ELF1: variants seen among roughly 807,000 people sequenced by gnomAD.
The protein encoded by ELF1 is E74 like ETS transcription factor 1.
In ELF1, 24 loss-of-function variants were observed where a neutral mutation model predicts 59.9. The ratio of observed to expected loss-of-function variants is 0.40; its 90% CI spans 0.29 to 0.56. ELF1 has a LOEUF of 0.56. ELF1 is among the 20% of genes least tolerant of loss of function. The pLI is 0.44. For missense variants in ELF1, 627 were observed against 742.2 expected, an observed-to-expected ratio of 0.84 and a Z score of 1.80; for synonymous variants, 248 against 266.2, an observed-to-expected ratio of 0.93 and a Z score of 0.67.
At chr13:41,013,712 A>G (rs2324749) in intron 1 of ELF1, among the ~76,000 whole-genome samples, 48,535 of 151,822 alleles carry the variant, frequency 0.32, 9,398 homozygotes, top group Middle Eastern at 0.46. Flanking sequence ...ACACTTTATA[A>G]TTTTATTTAA....
chr13:40,933,085 A>C lies in ELF1; in HGVS notation c.*340T>G, dbSNP rs540906731. ...ATAAATTTCCTGTTGCCTTCTATTTAAGTTCTGTATTTACAAAAGAATCAG... is the reference window on the plus strand; with the variant it reads ...ATAAATTTCCTGTTGCCTTCTATTTCAGTTCTGTATTTACAAAAGAATCAG... On this transcript the variant is annotated 3_prime_UTR_variant, in exon 9 of 9. Transcript: ENST00000239882. 5.1e-6 allele frequency: 1 copy of C among 195,658 alleles called. No homozygotes were observed. The highest frequency in any genetic ancestry group is 2.3e-5 in the African/African-American group (1 of 42,862). 12.1% of individuals were successfully genotyped at this position (195,658 alleles called of 1,614,324 possible).
chr13:40,954,449 CCCACGGTCTCCCTCTCCCTCTCTTT>C (rs1175763105), intron 3 of ELF1, among the ~76,000 whole-genome samples: 1 of 123,876 alleles, frequency 8.1e-6, no homozygotes, highest in Non-Finnish European at 1.9e-5. Flanking sequence ...TCTCCCTCTC[CCCACGGTCTCCCTCTCCCTCTCTTT>C]CCACGGTCTC....
At position 40,933,944 on chromosome 13, in the gene ELF1, T is replaced by C. The variant is rs987840910; in HGVS notation, c.1341A>G (p.Pro447=). The C allele has an allele frequency of 1.5e-5, 25 of 1,614,262 alleles. No individual in the cohort carries two copies. Among genetic ancestry groups the C allele is most frequent in the Non-Finnish European group, 1.9e-5 (23 of 1,180,048 alleles). ...QLHTVTLQTV[P]LTTVIASTDP... is the part of the protein sequence containing the mutation. ...CTGTGCTGGCTATAACTGTTGTGAG[T>C]GGCACTGTTTGGAGTGTTACTGTAT... The change falls in exon 9 of 9, where the codon CCA becomes CCG. Residue 447 remains proline (P), a synonymous_variant. Transcript: ENST00000239882.
At chr13:40,970,964 A>G (rs530338866) in intron 2 of ELF1, among the ~76,000 whole-genome samples, 3 of 152,314 alleles carry the variant, frequency 2.0e-5, no homozygotes, top group South Asian at 2.1e-4. Flanking sequence ...TAAGGACGTC[A>G]TATGGCTTTA....
intron 2 of ELF1, among the ~76,000 whole-genome samples, chr13:40,974,937 A>T (rs746382026): frequency 3.9e-5 from 6 of 152,192 alleles, no homozygotes; most frequent in Non-Finnish European, 8.8e-5. Flanking sequence ...GTAGCTGGGG[A>T]CTCTAAGACA....
intron 1 of ELF1, among the ~76,000 whole-genome samples, chr13:41,018,227 C>A (rs1363398364): frequency 6.6e-6 from 1 of 152,168 alleles, no homozygotes; most frequent in Admixed American, 6.5e-5. Context: ...TAAAATACTA[C>A]TGCACTCATC....
At chr13:41,050,836 A>C (rs1877057770) in intron 1 of ELF1, among the ~76,000 whole-genome samples, 3 of 152,224 alleles carry the variant, frequency 2.0e-5, no homozygotes, top group African/African-American at 7.2e-5. Context: ...GGCATGAGCC[A>C]CCACACCCGG....
chr13:40,985,822 AT>A (rs1873520865), intron 1 of ELF1, among the ~76,000 whole-genome samples: 1 of 152,244 alleles, frequency 6.6e-6, no homozygotes, highest in African/African-American at 2.4e-5. Context: ...AAATTTACCC[AT>A]CCTTAATTAT....
Position 41,056,617 on chromosome 13 carries a change from T to C in ELF1, c.-229+4221A>G, listed in dbSNP as rs75428374. ...CACTGTATAAGGGTTCCAACTTCTTTACTATTGTTTGAATCTTTACTACAT... is the reference window on the plus strand; with the variant it reads ...CACTGTATAAGGGTTCCAACTTCTTCACTATTGTTTGAATCTTTACTACAT... On this transcript the variant is annotated intron_variant, in intron 1 of 1. Coordinates refer to the ELF1 transcript ENST00000405737. Among the ~76,000 whole-genome samples, 1,351 of 152,350 alleles carry C rather than the reference T, an allele frequency of 8.9e-3. 12 individuals are homozygous for C. The highest frequency in any genetic ancestry group is 0.024 in the Middle Eastern group (7 of 294).
intron 1 of ELF1, among the ~76,000 whole-genome samples, chr13:41,053,627 TG>T (rs1478997341): frequency 1.3e-5 from 2 of 152,342 alleles, no homozygotes; most frequent in East Asian, 3.9e-4. Context: ...CTGACACCTC[TG>T]GGAATTCAAG....
At chr13:41,044,778 G>A (rs528103046) in intron 1 of ELF1, among the ~76,000 whole-genome samples, 7 of 152,074 alleles carry the variant, frequency 4.6e-5, no homozygotes, top group South Asian at 4.1e-4. Flanking sequence ...GTCTCTGCCC[G>A]GCTTTGGTAT....
chr13:41,034,987 C>T (rs1365893518), intron 1 of ELF1, among the ~76,000 whole-genome samples: 3 of 152,184 alleles, frequency 2.0e-5, no homozygotes, highest in Non-Finnish European at 2.9e-5. Context: ...CTTTTCAGGC[C>T]TTCTCCACCT....
intron 3 of ELF1, among the ~76,000 whole-genome samples, chr13:40,953,360 A>C (rs1330520499): frequency 6.6e-6 from 1 of 152,216 alleles, no homozygotes; most frequent in African/African-American, 2.4e-5. Flanking sequence ...CCAGTACCTC[A>C]GAATGTCTTT....
intron 1 of ELF1, 112 bp downstream of exon 1, chr13:41,019,108 ACATTTTAT>A (rs1482852050): frequency 4.8e-6 from 4 of 827,332 alleles, no homozygotes. Context: ...CTGACCACAC[ACATTTTAT>A]CAGAGGGTTA....
intron 1 of ELF1, among the ~76,000 whole-genome samples, chr13:41,053,984 TG>T (rs1217920941): frequency 1.3e-5 from 2 of 151,676 alleles, no homozygotes; most frequent in African/African-American, 4.8e-5. Flanking sequence ...AAAAAGGGTG[TG>T]GGGGGATGTT....
At chr13:41,043,275 G>T (rs943229379) in intron 1 of ELF1, among the ~76,000 whole-genome samples, 9 of 152,180 alleles carry the variant, frequency 5.9e-5, no homozygotes, top group African/African-American at 1.9e-4. Context: ...TCTGATGGTA[G>T]TTTCTTTTGC....
At chr13:41,000,487 C>T (rs536188985) in intron 1 of ELF1, among the ~76,000 whole-genome samples, 5 of 151,908 alleles carry the variant, frequency 3.3e-5, no homozygotes, top group South Asian at 4.2e-4. Flanking sequence ...TCCCAAATTG[C>T]TGGGATTACA....
intron 1 of ELF1, among the ~76,000 whole-genome samples, chr13:40,995,948 G>A (rs988227865): frequency 2.6e-5 from 4 of 152,132 alleles, no homozygotes; most frequent in African/African-American, 4.8e-5. Context: ...TTAAAGGACT[G>A]TTATCTAAAA....
chr13:40,953,771 G>C (rs1871017626), intron 3 of ELF1, among the ~76,000 whole-genome samples: 1 of 152,168 alleles, frequency 6.6e-6, no homozygotes, highest in African/African-American at 2.4e-5. Context: ...GAATAACGAA[G>C]ATTACAAGGT....
Sources: allele counts gnomAD v4.1 joint callset (sites outside exome capture counted in the v4.1 genomes callset), GRCh38; gene constraint gnomAD v4.1.1; transcripts MANE v1.5; gene names NCBI Gene and HGNC (gene_info 2026-07-23, HGNC 2026-07-21).